MRPS6: variants seen among roughly 807,000 people sequenced by gnomAD.
MRPS6 encodes the protein mitochondrial ribosomal protein S6.
Under a neutral mutation model 13.1 loss-of-function variants are expected in MRPS6, and 6 were observed. The observed-to-expected ratio is 0.46, with a 90% CI of 0.25 to 0.91. MRPS6 has a LOEUF of 0.91. Ranked by LOEUF, MRPS6 falls within the 40% of genes least tolerant of loss-of-function variation. MRPS6 has a pLI of 0.18. For missense variants in MRPS6, 164 were observed against 155.6 expected (o/e 1.05, Z -0.29); for synonymous variants, 61 against 56.5 (o/e 1.08, Z -0.36).
chr21:34,103,528 C>T, intron 1 of MRPS6: 1 of 999,948 alleles, frequency 1.0e-6, no homozygotes. Flanking sequence ...AGGTACGTGA[C>T]AACAGTTTAT....
chr21:34,126,157 A>G (rs532308592), intron 2 of MRPS6, among the ~76,000 whole-genome samples: 1 of 151,940 alleles, frequency 6.6e-6, no homozygotes, highest in South Asian at 2.1e-4. Flanking sequence ...CAAGAGTAGA[A>G]GAGTCAGCTC....
chr21:34,128,067 A>G (rs141487371), intron 2 of MRPS6, among the ~76,000 whole-genome samples: 2,075 of 152,276 alleles, frequency 0.014, 10 homozygotes, highest in Non-Finnish European at 0.023. Flanking sequence ...TACTGTTGGT[A>G]TCGTGTGTTT....
chr21:34,117,772 G>A (rs375906575), intron 1 of MRPS6, among the ~76,000 whole-genome samples: 27 of 152,090 alleles, frequency 1.8e-4, no homozygotes, highest in Admixed American at 9.2e-4. Context: ...CCACATGCAG[G>A]TGTCAGGATG....
chr21:34,104,644 A>T (rs1366886463), intron 1 of MRPS6: 2 of 1,000,172 alleles, frequency 2.0e-6, no homozygotes, highest in East Asian at 2.3e-4. Context: ...GCAAAAAGCT[A>T]GCCAGGAATG....
chr21:34,088,371 G>A (rs1429423817), intron 1 of MRPS6, among the ~76,000 whole-genome samples: 2 of 120,310 alleles, frequency 1.7e-5, no homozygotes, highest in Middle Eastern at 3.9e-3. Flanking sequence ...ACCCATCAGG[G>A]CTTTGCTGTA....
chr21:34,088,659 T>C (rs1046224886), intron 1 of MRPS6, among the ~76,000 whole-genome samples: 1 of 152,242 alleles, frequency 6.6e-6, no homozygotes, highest in African/African-American at 2.4e-5. Flanking sequence ...GGGCAAAAGC[T>C]GTTTAGACAT....
chr21:34,088,415 T>C (rs1263301707), intron 1 of MRPS6, among the ~76,000 whole-genome samples: 1 of 152,214 alleles, frequency 6.6e-6, no homozygotes, highest in East Asian at 1.9e-4. Context: ...CTTTTTACTT[T>C]TAATCTCTGC....
At chr21:34,078,800 T>C (rs902321837) in intron 1 of MRPS6, among the ~76,000 whole-genome samples, 1 of 152,240 alleles carries the variant, frequency 6.6e-6, no homozygotes, top group Non-Finnish European at 1.5e-5. Flanking sequence ...TGATTACTCA[T>C]GTTATAAAAA....
intron 1 of MRPS6, 190 bp from the exon 2 acceptor site, chr21:34,125,151 C>G: frequency 4.4e-6 from 4 of 901,352 alleles, no homozygotes; most frequent in Non-Finnish European, 6.4e-6. Context: ...TGTGAGCTAT[C>G]TCATATCCTT....
chr21:34,121,441 A>C (rs1312335151), intron 1 of MRPS6, among the ~76,000 whole-genome samples: 1 of 152,212 alleles, frequency 6.6e-6, no homozygotes, highest in Non-Finnish European at 1.5e-5. Flanking sequence ...AGCTAGGACT[A>C]GAATCATAGT....
chr21:34,116,214 G>GTGTGTA lies in MRPS6; in HGVS notation c.46-9124_46-9123insGTATGT, dbSNP rs1448441396. On this transcript the variant is annotated intron_variant, in intron 1 of 2. Coordinates refer to ENST00000399312, the MANE Select transcript of MRPS6 (RefSeq NM_032476.4). ...TGTGTGTGTGTGTGTGTGTGTGTGT[G>GTGTGTA]TGTATGTGTGTTTTGTAGAGATGGG... Among the ~76,000 whole-genome samples, 1,103 of 145,444 alleles carry GTGTGTA rather than the reference G, an allele frequency of 7.6e-3. 18 individuals are homozygous for GTGTGTA. Among genetic ancestry groups the GTGTGTA allele is most frequent in the African/African-American group, 0.027 (1,046 of 38,694 alleles).
chr21:34,102,051 A>G, intron 1 of MRPS6: 1 of 1,000,142 alleles, frequency 1.0e-6, no homozygotes, highest in Non-Finnish European at 1.2e-6. Flanking sequence ...CTGGATTGTG[A>G]AAAGGTAATC....
At chr21:34,099,516 T>C (rs2211792) in intron 1 of MRPS6, 660,908 of 998,582 alleles carry the variant, frequency 0.66, 221,447 homozygotes, top group African/African-American at 0.93. Context: ...TTGAACCACA[T>C]TACTGTGTAA....
rs546915845 is a variant in MRPS6 at position 34,101,827 on chromosome 21, A to G, written c.46-23514A>G. ...GATTTTCTCACACTTTGTGTTGGCT[A>G]ATAATAAAAGCACTGTTTTATTCTC... On this transcript the variant is annotated intron_variant, in intron 1 of 2. Transcript: ENST00000399312. The G allele has an allele frequency of 5.8e-5, 58 of 998,828 alleles. No homozygotes were observed. The South Asian group carries it at 1.4e-3, about 24-fold the overall frequency. The allele number at this position is 998,828 out of a possible 1,614,324, so 61.9% of individuals were successfully genotyped here.
intron 1 of MRPS6, chr21:34,122,167 T>TAG (rs765216847): frequency 1.3e-5 from 2 of 152,218 alleles, no homozygotes; most frequent in Non-Finnish European, 2.9e-5. Context: ...GGCCATGTGG[T>TAG]CTCTTGTAAT....
intron 2 of MRPS6, among the ~76,000 whole-genome samples, chr21:34,136,618 G>C (rs1273220851): frequency 6.6e-6 from 1 of 152,144 alleles, no homozygotes; most frequent in East Asian, 1.9e-4. Flanking sequence ...TCTGTGAAAT[G>C]TCTGTTCAAA....
intron 1 of MRPS6, among the ~76,000 whole-genome samples, chr21:34,117,410 T>C (rs1979964140): frequency 6.6e-6 from 1 of 152,302 alleles, no homozygotes; most frequent in Admixed American, 6.5e-5. Flanking sequence ...CAGTTAGTAG[T>C]AGTAATTCCT....
At chr21:34,095,971 A>G in intron 1 of MRPS6, 1 of 1,614,132 alleles carries the variant, frequency 6.2e-7, no homozygotes. Context: ...ACAGATGAAG[A>G]TGTTCCTTGG....
intron 1 of MRPS6, among the ~76,000 whole-genome samples, chr21:34,119,419 G>A (rs1980044325): frequency 6.6e-6 from 1 of 152,146 alleles, no homozygotes; most frequent in Non-Finnish European, 1.5e-5. Flanking sequence ...TAAATTGCAA[G>A]GAAATTTTTT....
Sources: gnomAD v4.1 joint callset for allele counts (sites outside exome capture counted in the v4.1 genomes callset) on GRCh38, gnomAD v4.1.1 for gene constraint, MANE v1.5 for transcripts, NCBI Gene and HGNC (gene_info 2026-07-23, HGNC 2026-07-21) for gene names.